CEP128: variants seen among roughly 807,000 people sequenced by gnomAD.
CEP128 encodes centrosomal protein 128kDa.
Under a neutral mutation model 156.7 loss-of-function variants are expected in CEP128, and 132 were observed. The observed-to-expected ratio is 0.84, with a 90% CI of 0.73 to 0.97. The LOEUF is 0.97. CEP128 is among the 50% of genes least tolerant of loss of function. The pLI is 0.00. For synonymous variants in CEP128, 469 were observed against 448.9 expected (o/e 1.04, Z -0.57); for missense variants, 1,252 against 1,281.9 (o/e 0.98, Z 0.36).
intron 13 of CEP128, among the ~76,000 whole-genome samples, chr14:80,825,200 C>T (rs1038772965): frequency 2.0e-5 from 3 of 152,176 alleles, no homozygotes; most frequent in East Asian, 1.9e-4. Context: ...GATGAGATTT[C>T]GGTGGGGACA....
intron 13 of CEP128, among the ~76,000 whole-genome samples, chr14:80,812,813 T>G (rs1485338808): frequency 6.6e-6 from 1 of 152,224 alleles, no homozygotes; most frequent in Non-Finnish European, 1.5e-5. Flanking sequence ...TCCGCCAACC[T>G]CAGCCTCCCA....
At chr14:80,812,948 T>C (rs1023115764) in intron 13 of CEP128, among the ~76,000 whole-genome samples, 4 of 152,216 alleles carry the variant, frequency 2.6e-5, no homozygotes, top group Non-Finnish European at 4.4e-5. Flanking sequence ...GTGTGTTTGA[T>C]TTGCATTTCT....
chr14:80,655,868 G>C (rs1895109655), intron 19 of CEP128, among the ~76,000 whole-genome samples: 1 of 152,126 alleles, frequency 6.6e-6, no homozygotes, highest in Admixed American at 6.6e-5. Flanking sequence ...CGAGCCAAAG[G>C]AAGTAAAGGA....
intron 13 of CEP128, among the ~76,000 whole-genome samples, chr14:80,826,966 T>C (rs1885517100): frequency 6.6e-6 from 1 of 152,208 alleles, no homozygotes; most frequent in South Asian, 2.1e-4. Context: ...GTACTTAGTA[T>C]TTTCTATGCA....
At chr14:80,626,238 G>A (rs578253603) in intron 19 of CEP128, among the ~76,000 whole-genome samples, 1 of 151,872 alleles carries the variant, frequency 6.6e-6, no homozygotes, top group Non-Finnish European at 1.5e-5. Flanking sequence ...GCCGAGGCGG[G>A]TGGATCATGA....
chr14:80,766,369 A>C (rs28529404), intron 16 of CEP128, among the ~76,000 whole-genome samples: 4,930 of 152,276 alleles, frequency 0.032, 251 homozygotes, highest in African/African-American at 0.11. Context: ...GGTTTGATGA[A>C]CTGTCCTATA....
chr14:80,516,421 A>G (rs1888491949), intron 23 of CEP128, among the ~76,000 whole-genome samples: 1 of 152,064 alleles, frequency 6.6e-6, no homozygotes, highest in South Asian at 2.1e-4. Flanking sequence ...TGCGAGCTGT[A>G]TTGCCTCAGT....
At chr14:80,513,744 C>T (rs1259391356) in intron 23 of CEP128, among the ~76,000 whole-genome samples, 1 of 152,162 alleles carries the variant, frequency 6.6e-6, no homozygotes, top group Non-Finnish European at 1.5e-5. Context: ...TCGTGACTTA[C>T]TTTCCAATCT....
At chr14:80,485,491 G>T (rs1234613997), downstream of CEP128, among the ~76,000 whole-genome samples, 1 of 151,828 alleles carries the variant, frequency 6.6e-6, no homozygotes, top group Non-Finnish European at 1.5e-5. Flanking sequence ...ACCTCAAATT[G>T]TGTATAACTA....
chr14:80,489,267 TA>T (rs35135843), downstream of CEP128, among the ~76,000 whole-genome samples: 19,597 of 107,820 alleles, frequency 0.18, 2,734 homozygotes, highest in African/African-American at 0.44. Context: ...TTGTAAAAGC[TA>T]AAAAAAAAAA....
intron 21 of CEP128, among the ~76,000 whole-genome samples, chr14:80,555,895 G>A (rs1890414161): frequency 6.6e-6 from 1 of 151,136 alleles, no homozygotes; most frequent in South Asian, 2.1e-4. Context: ...TTCATGGACT[G>A]TATTTTTTTG....
Position 80,885,037 on chromosome 14 carries a change from C to A in CEP128, c.645+10681G>T, listed in dbSNP as rs1204250258. Among the ~76,000 whole-genome samples, 5 of 152,308 alleles carry A rather than the reference C, an allele frequency of 3.3e-5. No individual in the cohort carries two copies. In the East Asian group the frequency reaches 9.7e-4, roughly 29 times the overall value. Reference sequence around the variant, plus strand: ...TTAACCTTGACTGTGAGTAACACCACAGCAAGGCAAAGTACCTGGGGCCAG... The same window carrying A: ...TTAACCTTGACTGTGAGTAACACCAAAGCAAGGCAAAGTACCTGGGGCCAG... On this transcript the variant is annotated intron_variant, in intron 8 of 24. Coordinates refer to ENST00000555265, the MANE Select transcript of CEP128 (RefSeq NM_152446.5).
At chr14:80,873,695 C>A (rs185607808) in intron 8 of CEP128, among the ~76,000 whole-genome samples, 2 of 152,184 alleles carry the variant, frequency 1.3e-5, no homozygotes, top group African/African-American at 4.8e-5. Context: ...GGTGTCCCCA[C>A]CCAGATCTCA....
chr14:80,878,962 C>T (rs114418179), intron 8 of CEP128, among the ~76,000 whole-genome samples: 218 of 152,322 alleles, frequency 1.4e-3, no homozygotes, highest in African/African-American at 4.2e-3. Context: ...AGAATCCCCA[C>T]TCTAAGGAAG....
intron 13 of CEP128, among the ~76,000 whole-genome samples, chr14:80,817,410 C>T (rs1884924548): frequency 1.3e-5 from 2 of 152,062 alleles, no homozygotes; most frequent in Admixed American, 1.3e-4. Context: ...GCCTACATGT[C>T]AAACGTAGGA....
intron 19 of CEP128, among the ~76,000 whole-genome samples, chr14:80,590,736 C>T (rs1892019766): frequency 6.6e-6 from 1 of 151,916 alleles, no homozygotes; most frequent in Non-Finnish European, 1.5e-5. Flanking sequence ...ATGGTTGAAG[C>T]AAAAATTGTA....
At chr14:80,791,810 C>G (rs1351908332) in intron 14 of CEP128, among the ~76,000 whole-genome samples, 1 of 152,178 alleles carries the variant, frequency 6.6e-6, no homozygotes, top group Non-Finnish European at 1.5e-5. Context: ...GATAAAGCAT[C>G]TTTTCCATGA....
chr14:80,535,632 CAT>C (rs1491310873), intron 21 of CEP128, among the ~76,000 whole-genome samples: 9,179 of 150,844 alleles, frequency 0.061, 391 homozygotes, highest in African/African-American at 0.12. Context: ...CACACACACA[CAT>C]GGGGTCTGGA....
downstream of CEP128, among the ~76,000 whole-genome samples, chr14:80,486,001 A>G (rs1309527761): frequency 6.6e-6 from 1 of 152,182 alleles, no homozygotes; most frequent in Admixed American, 6.5e-5. Flanking sequence ...TGTTTGCTCC[A>G]TTTACTTGGT....
Sources: gnomAD v4.1 joint callset for allele counts (sites outside exome capture counted in the v4.1 genomes callset) on GRCh38, gnomAD v4.1.1 for gene constraint, MANE v1.5 for transcripts, NCBI Gene and HGNC (gene_info 2026-07-23, HGNC 2026-07-21) for gene names.